Variants in SCHIP1 observed in about 807,000 individuals in gnomAD.
SCHIP1 encodes schwannomin interacting protein 1.
A neutral mutation model predicts 29.7 loss-of-function variants in SCHIP1; 8 were observed. The ratio of observed to expected loss-of-function variants is 0.27; its 90% CI spans 0.16 to 0.49. The LOEUF is 0.49. SCHIP1 is among the 20% of genes least tolerant of loss of function. The pLI is 0.99. For synonymous variants in SCHIP1, 76 were observed against 94.9 expected (o/e 0.80, Z 1.16); for missense variants, 193 against 294.6 (o/e 0.66, Z 2.52).
chr3:159,275,478 T>C, the SCHIP1 span, among the ~76,000 whole-genome samples: 1 of 152,148 alleles, frequency 6.6e-6, no homozygotes, highest in Non-Finnish European at 1.5e-5. Context: ...TGCTGTGAAA[T>C]GGTGTCAGAT....
the SCHIP1 span, among the ~76,000 whole-genome samples, chr3:159,792,353 T>C: frequency 1.3e-5 from 2 of 152,228 alleles, no homozygotes; most frequent in Non-Finnish European, 1.5e-5. Context: ...TCTCACCCTG[T>C]GGAGCTCAGT....
chr3:159,392,729 T>C, the SCHIP1 span, among the ~76,000 whole-genome samples: 1 of 152,040 alleles, frequency 6.6e-6, no homozygotes, highest in African/African-American at 2.4e-5. Context: ...ACATTTGGGT[T>C]GGTTCCAAGT....
chr3:159,793,223 G>A, the SCHIP1 span, among the ~76,000 whole-genome samples: 2 of 152,102 alleles, frequency 1.3e-5, no homozygotes, highest in Non-Finnish European at 1.5e-5. Flanking sequence ...ATTAGTGTGT[G>A]TACTCTTGTG....
the SCHIP1 span, among the ~76,000 whole-genome samples, chr3:159,397,356 G>T: frequency 1.3e-5 from 2 of 152,188 alleles, no homozygotes; most frequent in Non-Finnish European, 2.9e-5. Flanking sequence ...TTGTTCCGTT[G>T]CTGGTGAGGA....
the SCHIP1 span, among the ~76,000 whole-genome samples, chr3:159,560,815 G>A: frequency 1.1e-4 from 16 of 152,120 alleles, no homozygotes; most frequent in African/African-American, 3.1e-4. Context: ...TGGGCTTGTT[G>A]CTTGCTCATG....
At chr3:159,385,344 G>A in the SCHIP1 span, among the ~76,000 whole-genome samples, 1 of 152,082 alleles carries the variant, frequency 6.6e-6, no homozygotes, top group African/African-American at 2.4e-5. Context: ...GATCAGTTGA[G>A]GCCAGGAGTT....
At chr3:159,359,588 T>A in the SCHIP1 span, among the ~76,000 whole-genome samples, 2 of 152,214 alleles carry the variant, frequency 1.3e-5, no homozygotes. Context: ...TTTATAACTT[T>A]AAAATTTCCA....
chr3:159,554,165 C>G, the SCHIP1 span, among the ~76,000 whole-genome samples: 2 of 152,106 alleles, frequency 1.3e-5, no homozygotes, highest in Non-Finnish European at 1.5e-5. Context: ...CCACCTCGCC[C>G]GGTCAGTATT....
At chr3:159,291,893 A>T in the SCHIP1 span, among the ~76,000 whole-genome samples, 11 of 152,150 alleles carry the variant, frequency 7.2e-5, no homozygotes, top group Non-Finnish European at 1.5e-4. Flanking sequence ...AAATTATTTT[A>T]AAAAAAGAAG....
the SCHIP1 span, among the ~76,000 whole-genome samples, chr3:159,441,246 A>G: frequency 6.6e-6 from 1 of 152,114 alleles, no homozygotes; most frequent in Non-Finnish European, 1.5e-5. Flanking sequence ...TACAGGTTAC[A>G]TGTTTCATTT....
At chr3:159,302,652 C>T in the SCHIP1 span, among the ~76,000 whole-genome samples, 2 of 152,182 alleles carry the variant, frequency 1.3e-5, no homozygotes. Flanking sequence ...CGAGTTTATA[C>T]AGAAAATATT....
At chr3:159,560,558 T>A in the SCHIP1 span, among the ~76,000 whole-genome samples, 1 of 152,172 alleles carries the variant, frequency 6.6e-6, no homozygotes, top group Admixed American at 6.6e-5. Context: ...AGTTTCTTTC[T>A]GGATTCTCTT....
At chr3:159,629,168 G>T in the SCHIP1 span, among the ~76,000 whole-genome samples, 1 of 151,518 alleles carries the variant, frequency 6.6e-6, no homozygotes, top group Non-Finnish European at 1.5e-5. Flanking sequence ...CACACAACTT[G>T]ATTACATTAT....
At chr3:159,333,824 C>A in the SCHIP1 span, among the ~76,000 whole-genome samples, 2 of 88,502 alleles carry the variant, frequency 2.3e-5, no homozygotes, top group Admixed American at 1.2e-4. Context: ...GAAGTACTAA[C>A]AAACATTCAT....
chr3:159,682,788 A>G, the SCHIP1 span, among the ~76,000 whole-genome samples: 4 of 152,342 alleles, frequency 2.6e-5, no homozygotes, highest in South Asian at 8.3e-4. Flanking sequence ...CACAACTGAC[A>G]TTCAAACCAT....
the SCHIP1 span, among the ~76,000 whole-genome samples, chr3:159,520,851 T>C: frequency 6.6e-6 from 1 of 152,240 alleles, no homozygotes. Flanking sequence ...AGTGATTTCA[T>C]CATAATTTGG....
At chr3:159,284,779 G>A in the SCHIP1 span, among the ~76,000 whole-genome samples, 2 of 152,052 alleles carry the variant, frequency 1.3e-5, no homozygotes, top group African/African-American at 4.8e-5. Flanking sequence ...TTACAGGCTT[G>A]AGCCACCACG....
At chr3:159,708,180 A>G in the SCHIP1 span, among the ~76,000 whole-genome samples, 12 of 150,748 alleles carry the variant, frequency 8.0e-5, no homozygotes, top group African/African-American at 2.9e-4. Flanking sequence ...GGGAGAGGGG[A>G]AAGCACAGAG....
At chr3:159,895,537 T>C (rs1281496371) in intron 6 of SCHIP1, among the ~76,000 whole-genome samples, 1 of 152,164 alleles carries the variant, frequency 6.6e-6, no homozygotes, top group African/African-American at 2.4e-5. Flanking sequence ...AACCCCATCA[T>C]TCTCTGAGAA....
Sources: gnomAD v4.1 joint callset for allele counts (sites outside exome capture counted in the v4.1 genomes callset) on GRCh38, gnomAD v4.1.1 for gene constraint, MANE v1.5 for transcripts, NCBI Gene and HGNC (gene_info 2026-07-23, HGNC 2026-07-21) for gene names.